The following ACTN1 variants were observed in gnomAD, a reference collection of about 807,000 sequenced individuals.
The protein encoded by ACTN1 is alpha-actinin-1.
A neutral mutation model predicts 119.6 loss-of-function variants in ACTN1; 30 were observed. The observed-to-expected ratio is 0.25, with a 90% confidence interval of 0.19 to 0.34. ACTN1 has a LOEUF of 0.34. ACTN1 is among the 10% of genes least tolerant of loss of function. ACTN1 has a pLI of 1.00. For synonymous variants in ACTN1, 429 were observed against 472.6 expected, an observed-to-expected ratio of 0.91 and a Z score of 1.20; for missense variants, 764 against 1,223.4, an observed-to-expected ratio of 0.62 and a Z score of 5.60.
intron 3 of ACTN1, among the ~76,000 whole-genome samples, chr14:68,918,222 TC>T (rs2034423432): frequency 6.6e-6 from 1 of 152,194 alleles, no homozygotes; most frequent in Non-Finnish European, 1.5e-5. Flanking sequence ...CTCTCACTCC[TC>T]ACCCCTGAGG....
chr14:68,887,874 T>C, intron 11 of ACTN1: 1 of 827,314 alleles, frequency 1.2e-6, no homozygotes, highest in Non-Finnish European at 2.1e-6. Flanking sequence ...GGTAAATCTT[T>C]AGTTTCTTAG....
intron 2 of ACTN1, among the ~76,000 whole-genome samples, chr14:68,922,361 G>C (rs1342647298): frequency 2.0e-5 from 3 of 152,360 alleles, no homozygotes; most frequent in Admixed American, 6.5e-5. Context: ...TCAGCTCCCA[G>C]GGAAGCACAG....
chr14:68,908,216 G>A (rs2033788182), intron 6 of ACTN1, among the ~76,000 whole-genome samples: 1 of 152,086 alleles, frequency 6.6e-6, no homozygotes, highest in African/African-American at 2.4e-5. Flanking sequence ...ACGGTGCAGG[G>A]AAGCGGGTAG....
rs527302173 is a variant in ACTN1 at position 68,896,821 on chromosome 14, T to C, written c.763-3074A>G. On this transcript the variant is annotated intron_variant, in intron 8 of 21. Transcript: ENST00000394419. ...GATAATGTAACAGATGCACAGATAA[T>C]TGATGGCTTCATGAGATAATGTAAC... Among the ~76,000 whole-genome samples, 6 of 152,274 alleles carry C rather than the reference T, an allele frequency of 3.9e-5. No homozygotes were observed. The South Asian group carries it at 1.2e-3, about 32-fold the overall frequency.
chr14:68,888,305 C>T lies in ACTN1; in HGVS notation c.1234+1834G>A, dbSNP rs1020741114. The stretch of plus-strand genomic sequence containing the variant: ...CCCAGAGGCTGTGCCAGCATGCCAG[C>T]ACTTCTCATGCCCCTGCTGGTGGCT... On this transcript the variant is annotated intron_variant, in intron 11 of 21. Coordinates refer to ENST00000394419, the MANE Select transcript of ACTN1 (RefSeq NM_001130004.2). 9 of 299,086 alleles carry T rather than the reference C, an allele frequency of 3.0e-5. No homozygotes were observed. In the Admixed American group the frequency reaches 4.4e-4, roughly 14 times the overall value. 18.5% of individuals were successfully genotyped at this position (299,086 alleles called of 1,614,324 possible). A position where few individuals can be genotyped will look rare whatever the true frequency, so the allele number is the denominator to read the frequency against.
chr14:68,893,812 C>G, intron 8 of ACTN1, 65 bp from the exon 9 acceptor site: 1 of 1,511,714 alleles, frequency 6.6e-7, no homozygotes, highest in South Asian at 1.1e-5. Flanking sequence ...TGGTACACAC[C>G]TGTGCTGACA....
rs765149759 is a variant in ACTN1 at position 68,890,154 on chromosome 14, C to T, written c.1219G>A (p.Glu407Lys). 9 of 1,613,826 alleles carry T rather than the reference C, an allele frequency of 5.6e-6. No individual in the cohort carries two copies. Among genetic ancestry groups the T allele is most frequent in the East Asian group, 2.2e-5 (1 of 44,872 alleles). The change falls in exon 11 of 22, where the codon GAG becomes AAG. Residue 407 changes from glutamate to lysine, a missense_variant. This residue lies in a region of ACTN1 where 544 missense variants were observed against 912.0 expected (regional missense o/e 0.60). Coordinates refer to ENST00000394419, the MANE Select transcript of ACTN1 (RefSeq NM_001130004.2). ...CTGGCCTCACCGTCAGTCCAGGCCTCGTGGATGGAGGCCTTCTGCCGGAAC... is the reference window on the plus strand; with the variant it reads ...CTGGCCTCACCGTCAGTCCAGGCCTTGTGGATGGAGGCCTTCTGCCGGAAC... ...EKFRQKASIH[E>K]AWTDGKEAML...
Position 68,882,788 on chromosome 14 carries a change from G to C in ACTN1, c.1818+85C>G. ...TGTTTACTATATGACAATTTTAAAT[G>C]AAATTGACAAAAATCAATTAAAATG... is the stretch of plus-strand genomic sequence containing the variant. On this transcript the variant is annotated intron_variant, in intron 15 of 21. Transcript: ENST00000394419. The surrounding 1 kb of genome is among the most constrained non-coding windows in gnomAD (Gnocchi z 4.5). 1 of 1,552,710 alleles carries C rather than the reference G, an allele frequency of 6.4e-7. No homozygotes were observed. Among genetic ancestry groups the C allele is most frequent in the Non-Finnish European group, 8.8e-7 (1 of 1,138,976 alleles).
At chr14:68,942,985 C>A (rs557733149) in intron 1 of ACTN1, among the ~76,000 whole-genome samples, 1 of 152,284 alleles carries the variant, frequency 6.6e-6, no homozygotes, top group African/African-American at 2.4e-5. Flanking sequence ...ATTCTCTTCA[C>A]CTGAGGTTCC....
At chr14:68,957,966 A>G (rs1054114068) in intron 1 of ACTN1, among the ~76,000 whole-genome samples, 1 of 152,174 alleles carries the variant, frequency 6.6e-6, no homozygotes, top group Admixed American at 6.5e-5. Context: ...AGAGCCAGAC[A>G]GGAACTTGAG....
chr14:68,882,697 G>C lies in ACTN1; in HGVS notation c.1819-105C>G. ...GAAGGGGAAGGGCCGGTCAGTAACA[G>C]AACAGGAGTAAAGGTGTCAACCTGT... is the stretch of plus-strand genomic sequence containing the variant. On this transcript the variant is annotated intron_variant, in intron 15 of 21. Transcript: ENST00000394419. This position sits in a 1 kb window ranked among gnomAD's most constrained non-coding sequence, Gnocchi z 4.5. 1.3e-6 allele frequency: 2 copies of C among 1,552,266 alleles called. No individual in the cohort carries two copies. The highest frequency in any genetic ancestry group is 1.8e-6 in the Non-Finnish European group (2 of 1,140,236).
intron 1 of ACTN1, among the ~76,000 whole-genome samples, chr14:68,961,033 G>T (rs2036519374): frequency 6.6e-6 from 1 of 152,186 alleles, no homozygotes; most frequent in African/African-American, 2.4e-5. Flanking sequence ...CAGCACCACT[G>T]CACGCCAGCC....
chr14:68,945,417 A>C (rs1477919829), intron 1 of ACTN1, among the ~76,000 whole-genome samples: 1 of 152,186 alleles, frequency 6.6e-6, no homozygotes, highest in Non-Finnish European at 1.5e-5. Flanking sequence ...TAGCTGAAAG[A>C]AACAAATGGG....
chr14:68,942,135 G>A (rs1012039520), intron 1 of ACTN1, among the ~76,000 whole-genome samples: 18 of 152,188 alleles, frequency 1.2e-4, no homozygotes, highest in African/African-American at 4.3e-4. Flanking sequence ...GCACCCCCGG[G>A]GTGGGACTGG....
chr14:68,978,899 C>CGGGGGTCGGGGCTG, intron 1 of ACTN1, 53 bp downstream of exon 1: 1 of 1,113,360 alleles, frequency 9.0e-7, no homozygotes, highest in Non-Finnish European at 1.3e-6. Flanking sequence ...CAGAGCGGGT[C>CGGGGGTCGGGGCTG]GGGGCTGGGG....
intron 1 of ACTN1, among the ~76,000 whole-genome samples, chr14:68,958,419 T>C (rs1180136478): frequency 6.6e-6 from 1 of 152,154 alleles, no homozygotes; most frequent in African/African-American, 2.4e-5. Context: ...CACACCTCTG[T>C]GCTCTCAGGG....
intron 7 of ACTN1, among the ~76,000 whole-genome samples, chr14:68,904,104 C>A (rs1032569774): frequency 6.6e-6 from 1 of 152,122 alleles, no homozygotes; most frequent in African/African-American, 2.4e-5. Context: ...CAGATCAGAA[C>A]TGGACACTTC....
At chr14:68,911,326 A>G (rs569757712) in intron 4 of ACTN1, among the ~76,000 whole-genome samples, 79 of 152,308 alleles carry the variant, frequency 5.2e-4, no homozygotes, top group African/African-American at 1.9e-3. Context: ...TGAGAAATGG[A>G]TTTACATCCA....
chr14:68,977,397 G>A (rs531091268), intron 1 of ACTN1: 1 of 153,268 alleles, frequency 6.5e-6, no homozygotes, highest in South Asian at 2.0e-4. Flanking sequence ...GACAGGAAGA[G>A]GGGGAGTTTA....
Sources: allele counts gnomAD v4.1 joint callset (sites outside exome capture counted in the v4.1 genomes callset), GRCh38; gene constraint gnomAD v4.1.1; regional missense constraint gnomAD v4.1.1; non-coding constraint Gnocchi (gnomAD v3.1); transcripts MANE v1.5; gene names NCBI Gene and HGNC (gene_info 2026-07-23, HGNC 2026-07-21).